Variants in SAMMSON observed in about 807,000 individuals in gnomAD.
The protein encoded by SAMMSON is long intergenic non-protein coding RNA 1212.
chr3:70,403,720 C>T (rs1443237260), intron 2 of SAMMSON, among the ~76,000 whole-genome samples: 1 of 152,106 alleles, frequency 6.6e-6, no homozygotes, highest in Non-Finnish European at 1.5e-5. Flanking sequence ...CTGACTCCTC[C>T]TGTATAGAAA....
intron 4 of SAMMSON, among the ~76,000 whole-genome samples, chr3:70,153,605 A>G (rs2067580132): frequency 6.6e-6 from 1 of 152,072 alleles, no homozygotes; most frequent in South Asian, 2.1e-4. Context: ...TAATCTTGTA[A>G]TCAGGGAAAA....
At chr3:70,247,329 C>A (rs1170155266) in intron 4 of SAMMSON, among the ~76,000 whole-genome samples, 1 of 151,856 alleles carries the variant, frequency 6.6e-6, no homozygotes, top group Non-Finnish European at 1.5e-5. Flanking sequence ...GTATTTCTTA[C>A]AAGGATGAAA....
chr3:70,307,417 G>T (rs2106706813), intron 7 of SAMMSON, among the ~76,000 whole-genome samples: 1 of 152,084 alleles, frequency 6.6e-6, no homozygotes, highest in African/African-American at 2.4e-5. Flanking sequence ...CGTATCAAAT[G>T]GTGTAAGCTA....
intron 3 of SAMMSON, among the ~76,000 whole-genome samples, chr3:70,045,088 T>TATATA (rs1559779767): frequency 2.4e-5 from 1 of 41,218 alleles, no homozygotes; most frequent in Admixed American, 3.1e-4. Flanking sequence ...ATATATATAA[T>TATATA]TAATTATAAT....
chr3:70,321,580 T>G (rs1468001269), intron 7 of SAMMSON, among the ~76,000 whole-genome samples: 2 of 152,076 alleles, frequency 1.3e-5, no homozygotes, highest in Non-Finnish European at 2.9e-5. Flanking sequence ...GTTTTTATGG[T>G]TTTCGTATTT....
intron 4 of SAMMSON, among the ~76,000 whole-genome samples, chr3:70,190,320 A>G (rs368116442): frequency 4.7e-4 from 72 of 151,818 alleles, no homozygotes; most frequent in African/African-American, 1.6e-3. Flanking sequence ...CTCAGTCTCT[A>G]CTCTCCTGGC....
intron 6 of SAMMSON, among the ~76,000 whole-genome samples, chr3:70,263,061 C>T (rs756086548): frequency 6.6e-6 from 1 of 152,096 alleles, no homozygotes; most frequent in Non-Finnish European, 1.5e-5. Flanking sequence ...ATTCATCTCT[C>T]TCTTTATGTT....
chr3:70,002,304 C>T lies in SAMMSON; in HGVS notation n.22+2437C>T, dbSNP rs114914012. 4.0e-3 allele frequency among the ~76,000 whole-genome samples: 601 copies of T among 151,982 alleles called. 6 individuals are homozygous for T. The highest frequency in any genetic ancestry group is 0.014 in the African/African-American group (578 of 41,456). On this transcript the variant is annotated intron_variant and non_coding_transcript_variant, in intron 1 of 9. Transcript: ENST00000642114. Reference sequence around the variant, plus strand: ...TAACATCAAACAGCGTTGAAGGCCCCCATATAAGAATAACAACTACTGACT... The same window carrying T: ...TAACATCAAACAGCGTTGAAGGCCCTCATATAAGAATAACAACTACTGACT...
At chr3:70,183,035 T>A (rs1002019043) in intron 4 of SAMMSON, among the ~76,000 whole-genome samples, 3 of 152,168 alleles carry the variant, frequency 2.0e-5, no homozygotes, top group Non-Finnish European at 2.9e-5. Context: ...GGCATTTGGG[T>A]CCTCCTCAGG....
At chr3:70,315,406 C>T (rs1228017407) in intron 7 of SAMMSON, among the ~76,000 whole-genome samples, 1 of 152,088 alleles carries the variant, frequency 6.6e-6, no homozygotes, top group Non-Finnish European at 1.5e-5. Flanking sequence ...GTTAGACAAA[C>T]TTACTTTGAA....
At chr3:70,144,107 A>C (rs1045182758) in intron 4 of SAMMSON, among the ~76,000 whole-genome samples, 1 of 152,122 alleles carries the variant, frequency 6.6e-6, no homozygotes, top group Non-Finnish European at 1.5e-5. Flanking sequence ...CTCATCAAAA[A>C]ATATTTGGAA....
intron 3 of SAMMSON, among the ~76,000 whole-genome samples, chr3:70,052,613 A>C (rs773882065): frequency 6.6e-6 from 1 of 152,150 alleles, no homozygotes; most frequent in African/African-American, 2.4e-5. Flanking sequence ...TTCTGGCATT[A>C]ATGTTATGTA....
intron 4 of SAMMSON, among the ~76,000 whole-genome samples, chr3:70,074,161 T>C (rs574388300): frequency 3.9e-4 from 60 of 152,186 alleles, no homozygotes; most frequent in Non-Finnish European, 7.4e-4. Context: ...TGGAATTACG[T>C]AATTCTTATG....
chr3:70,335,569 A>G (rs184004801), intron 7 of SAMMSON, among the ~76,000 whole-genome samples: 16 of 152,036 alleles, frequency 1.1e-4, no homozygotes, highest in East Asian at 5.8e-4. Context: ...AAGACAGCCT[A>G]TTTACTTTGC....
chr3:70,027,027 G>T (rs1287831342), intron 3 of SAMMSON, among the ~76,000 whole-genome samples: 1 of 152,092 alleles, frequency 6.6e-6, no homozygotes, highest in Non-Finnish European at 1.5e-5. Context: ...TGTAAAATGG[G>T]TTCTTTAAAA....
intron 9 of SAMMSON, among the ~76,000 whole-genome samples, chr3:70,387,071 G>A (rs1703128655): frequency 6.6e-6 from 1 of 151,948 alleles, no homozygotes; most frequent in South Asian, 2.1e-4. Context: ...AAACAAGTAG[G>A]GGGACATGGC....
chr3:70,254,128 T>A (rs1701793619), intron 6 of SAMMSON, among the ~76,000 whole-genome samples: 1 of 118,162 alleles, frequency 8.5e-6, no homozygotes, highest in Non-Finnish European at 1.7e-5. Context: ...TAATTGTACA[T>A]AACAAAACCC....
chr3:70,047,350 A>T (rs1559780305), intron 3 of SAMMSON, among the ~76,000 whole-genome samples: 7 of 145,472 alleles, frequency 4.8e-5, no homozygotes, highest in Admixed American at 4.0e-4. Context: ...TTTTTTTGAG[A>T]CAGAGTCTCG....
chr3:70,274,381 G>C (rs1224817420), intron 6 of SAMMSON, among the ~76,000 whole-genome samples: 1 of 150,878 alleles, frequency 6.6e-6, no homozygotes, highest in East Asian at 1.9e-4. Context: ...AATATAGAAT[G>C]AGTATGTGAT....
Sources: allele counts gnomAD v4.1 joint callset (sites outside exome capture counted in the v4.1 genomes callset), GRCh38; gene constraint gnomAD v4.1.1; transcripts MANE v1.5; gene names NCBI Gene and HGNC (gene_info 2026-07-23, HGNC 2026-07-21).